The following ABTB3 variants were observed in gnomAD, a reference collection of about 807,000 sequenced individuals.
ABTB3 encodes ankyrin repeat- and BTB/POZ domain-containing protein 3.
the ABTB3 span, among the ~76,000 whole-genome samples, chr12:107,482,137 G>A: frequency 1.8e-4 from 28 of 152,220 alleles, no homozygotes; most frequent in Admixed American, 3.3e-4. Flanking sequence ...ACCAGAAGAA[G>A]GGGGAGTAGA....
chr12:107,470,010 T>TTC, the ABTB3 span, among the ~76,000 whole-genome samples: 358 of 57,096 alleles, frequency 6.3e-3, 27 homozygotes, highest in East Asian at 8.6e-3. Flanking sequence ...CTTTCTTTCT[T>TTC]TCTCTCTCTC....
the ABTB3 span, among the ~76,000 whole-genome samples, chr12:107,587,853 G>A: frequency 2.0e-5 from 3 of 152,330 alleles, no homozygotes; most frequent in Non-Finnish European, 1.5e-5. Context: ...TTGGGAAGCT[G>A]GGAGTATCAG....
the ABTB3 span, among the ~76,000 whole-genome samples, chr12:107,347,363 A>T: frequency 6.6e-6 from 1 of 152,178 alleles, no homozygotes; most frequent in Admixed American, 6.5e-5. Context: ...CTTTCAGTTA[A>T]CTATTGCTGC....
chr12:107,561,354 G>A, the ABTB3 span, among the ~76,000 whole-genome samples: 1 of 152,216 alleles, frequency 6.6e-6, no homozygotes, highest in Admixed American at 6.5e-5. Flanking sequence ...TCCCTCTTCA[G>A]ACTCCAGAGC....
At chr12:107,649,089 C>A in the ABTB3 span, 1 of 859,150 alleles carries the variant, frequency 1.2e-6, no homozygotes, top group Non-Finnish European at 1.9e-6. Flanking sequence ...AATGGGCAAC[C>A]ATTTGGAATG....
chr12:107,470,722 C>T, the ABTB3 span, among the ~76,000 whole-genome samples: 1 of 152,250 alleles, frequency 6.6e-6, no homozygotes, highest in African/African-American at 2.4e-5. Flanking sequence ...GGCACCTCTC[C>T]CAATGCCTGG....
At chr12:107,473,920 C>A in the ABTB3 span, among the ~76,000 whole-genome samples, 2 of 151,650 alleles carry the variant, frequency 1.3e-5, no homozygotes, top group Non-Finnish European at 2.9e-5. Context: ...TCCTGCCTCA[C>A]TACAGGTGTG....
chr12:107,635,323 A>G, the ABTB3 span: 1 of 1,613,904 alleles, frequency 6.2e-7, no homozygotes, highest in Non-Finnish European at 8.5e-7. Context: ...TCATCTTCAC[A>G]CACTGCTACG....
At chr12:107,625,986 T>C in the ABTB3 span, among the ~76,000 whole-genome samples, 1 of 152,188 alleles carries the variant, frequency 6.6e-6, no homozygotes, top group African/African-American at 2.4e-5. Context: ...TCCTGCCTTC[T>C]AGGCTATCCC....
At chr12:107,355,440 C>T in the ABTB3 span, among the ~76,000 whole-genome samples, 2 of 152,154 alleles carry the variant, frequency 1.3e-5, no homozygotes, top group Non-Finnish European at 2.9e-5. Flanking sequence ...ATCAGGGAGC[C>T]CCAGAAGCTC....
At chr12:107,359,684 G>A in the ABTB3 span, among the ~76,000 whole-genome samples, 522 of 152,182 alleles carry the variant, frequency 3.4e-3, 1 homozygote, top group African/African-American at 0.012. Context: ...GGTTTTGACC[G>A]CATCCCATGT....
At chr12:107,319,048 G>C in the ABTB3 span, 1 of 1,613,720 alleles carries the variant, frequency 6.2e-7, no homozygotes, top group Non-Finnish European at 8.5e-7. Flanking sequence ...ACTTGTCTTT[G>C]TGCTGTTCCG....
At chr12:107,598,769 A>G in the ABTB3 span, among the ~76,000 whole-genome samples, 3 of 152,256 alleles carry the variant, frequency 2.0e-5, no homozygotes, top group Non-Finnish European at 4.4e-5. Context: ...CTAGCCTAAC[A>G]TCCCCATTTT....
the ABTB3 span, among the ~76,000 whole-genome samples, chr12:107,627,721 C>A: frequency 6.6e-6 from 1 of 152,166 alleles, no homozygotes; most frequent in Non-Finnish European, 1.5e-5. Context: ...TTGGGAGGAA[C>A]CTTGGAAATC....
the ABTB3 span, chr12:107,617,652 C>T: frequency 8.7e-6 from 5 of 576,474 alleles, no homozygotes; most frequent in African/African-American, 9.3e-5. Context: ...ATTTTACCTG[C>T]TCCTGGCCAG....
At chr12:107,564,252 A>G in the ABTB3 span, among the ~76,000 whole-genome samples, 4 of 152,092 alleles carry the variant, frequency 2.6e-5, no homozygotes, top group Non-Finnish European at 4.4e-5. Flanking sequence ...CATCCTTCCC[A>G]AAGGATCACT....
chr12:107,618,354 G>A, the ABTB3 span: 1 of 1,613,172 alleles, frequency 6.2e-7, no homozygotes, highest in Non-Finnish European at 8.5e-7. Context: ...CTACGTGGAT[G>A]TCACAATTGA....
chr12:107,604,037 C>T, the ABTB3 span, among the ~76,000 whole-genome samples: 17 of 152,076 alleles, frequency 1.1e-4, no homozygotes, highest in Admixed American at 3.3e-4. Context: ...GGTGTGGTGG[C>T]GGGCACCTGT....
At chr12:107,375,590 A>G in the ABTB3 span, among the ~76,000 whole-genome samples, 1 of 152,170 alleles carries the variant, frequency 6.6e-6, no homozygotes, top group African/African-American at 2.4e-5. Context: ...TCTACCTCTC[A>G]CTGGCTGTGG....
Sources: gnomAD v4.1 joint callset for allele counts (sites outside exome capture counted in the v4.1 genomes callset) on GRCh38, gnomAD v4.1.1 for gene constraint, MANE v1.5 for transcripts, NCBI Gene and HGNC (gene_info 2026-07-23, HGNC 2026-07-21) for gene names.